DIP2A: variants seen among roughly 807,000 people sequenced by gnomAD.
DIP2A encodes disco-interacting protein 2 homolog A.
A neutral mutation model predicts 177.4 loss-of-function variants in DIP2A; 85 were observed. That is an observed-to-expected ratio of 0.48 (90% CI 0.40 to 0.57). The LOEUF (loss-of-function observed/expected upper bound fraction) is 0.57. DIP2A is among the 20% of genes least tolerant of loss of function. The pLI, the probability that DIP2A is intolerant of heterozygous loss-of-function variation, is 0.00. For synonymous variants in DIP2A, 886 were observed against 881.8 expected, an observed-to-expected ratio of 1.00 and a Z score of -0.08; for missense variants, 1,791 against 2,100.2, an observed-to-expected ratio of 0.85 and a Z score of 2.88.
intron 8 of DIP2A, among the ~76,000 whole-genome samples, chr21:46,521,499 A>ATT (rs56906030): frequency 2.0e-5 from 3 of 151,912 alleles, no homozygotes; most frequent in Non-Finnish European, 4.4e-5. Context: ...ATCTTTCATT[A>ATT]TTTTTTTAAT....
At position 46,537,277 on chromosome 21, in the gene DIP2A, G is replaced by A. The variant is rs1161795004; in HGVS notation, c.1696G>A (p.Gly566Ser). The change falls in exon 14 of 38, where the codon GGC (glycine) becomes AGC (serine). Residue 566 changes from glycine (G) to serine (S), a missense_variant. Coordinates refer to ENST00000417564, the MANE Select transcript of DIP2A (RefSeq NM_015151.4). The surrounding 1 kb of genome is among the most constrained non-coding windows in gnomAD (Gnocchi z 4.1). ...CAAAAGGGATGCTGGTCTGTGGCAT[G>A]GCGTGTTAACAGTGAGTGTTGTTTG... ...DFKRDAGLWHGVLTSVMNRMH... is the reference protein window; with the variant it reads ...DFKRDAGLWHSVLTSVMNRMH... 6.2e-7 allele frequency: 1 copy of A among 1,613,918 alleles called. No homozygotes were observed. The highest frequency in any genetic ancestry group is 1.3e-5 in the African/African-American group (1 of 74,922).
At chr21:46,470,485 AG>A (rs1555867692) in intron 1 of DIP2A, among the ~76,000 whole-genome samples, 2 of 149,322 alleles carry the variant, frequency 1.3e-5, no homozygotes, top group East Asian at 2.0e-4. Flanking sequence ...AAAAAAAAAA[AG>A]GGGGGGCCAG....
rs1180881454 is a variant in DIP2A, at chr21:46,477,570, T to TGTGTGTGTGTGTGTGTGTGTG, written c.92-7187_92-7186insGTGTGTGTGTGTGTGTGTGTG. Among the ~76,000 whole-genome samples, 83 of 127,930 alleles carry TGTGTGTGTGTGTGTGTGTGTG rather than the reference T, an allele frequency of 6.5e-4. 1 individual carries two copies. The highest frequency in any genetic ancestry group is 1.0e-3 in the South Asian group (4 of 3,924). 83.9% of individuals were successfully genotyped at this position (127,930 alleles called of 152,430 possible). On this transcript the variant is annotated intron_variant, in intron 1 of 37. Coordinates refer to ENST00000417564, the MANE Select transcript of DIP2A (RefSeq NM_015151.4). ...GTGTGTGTGTGTGTGTGTGTGTGTA[T>TGTGTGTGTGTGTGTGTGTGTG]TTCTTTTTTTTTTTTTTTCTTGAGT...
intron 8 of DIP2A, among the ~76,000 whole-genome samples, chr21:46,518,094 T>A (rs963297655): frequency 2.0e-5 from 3 of 152,252 alleles, no homozygotes; most frequent in African/African-American, 7.2e-5. Context: ...TTGCGGGTAG[T>A]TGTAATTCAT....
At chr21:46,545,768 C>T (rs2060006215) in intron 19 of DIP2A, 113 bp from the exon 20 acceptor site, 1 of 1,271,628 alleles carries the variant, frequency 7.9e-7, no homozygotes, top group South Asian at 1.3e-5. Context: ...CTCCTTTTTC[C>T]CCCTGGCCAG....
Position 46,534,830 on chromosome 21 carries a change from G to A in DIP2A, c.1642+143G>A, listed in dbSNP as rs141783173. 8.2e-5 allele frequency: 56 copies of A among 680,268 alleles called. No individual in the cohort carries two copies. In the African/African-American group the frequency reaches 8.6e-4, roughly 10 times the overall value. 42.1% of individuals were successfully genotyped at this position (680,268 alleles called of 1,614,324 possible). A position where few individuals can be genotyped will look rare whatever the true frequency, so the allele number is the denominator to read the frequency against. On this transcript the variant is annotated intron_variant, in intron 13 of 37. Transcript: ENST00000417564. Reference sequence around the variant, plus strand: ...CATTAATCCGGGTCATGCCAGGTAGGGAGATGCACTGTCTTTAGCATGCTT... The same window carrying A: ...CATTAATCCGGGTCATGCCAGGTAGAGAGATGCACTGTCTTTAGCATGCTT...
At chr21:46,503,239 CT>C (rs1172449931) in intron 5 of DIP2A, among the ~76,000 whole-genome samples, 4 of 149,950 alleles carry the variant, frequency 2.7e-5, no homozygotes, top group African/African-American at 9.8e-5. Flanking sequence ...AGGAGAATTG[CT>C]TGAACTCAGG....
At chr21:46,549,649 C>A (rs1052576379) in intron 21 of DIP2A, 122 bp from the exon 22 acceptor site, 17 of 1,508,614 alleles carry the variant, frequency 1.1e-5, no homozygotes, top group Non-Finnish European at 1.4e-5. Flanking sequence ...GCAGGTAGCC[C>A]CATTTGATAG....
chr21:46,467,638 CAT>C (rs1322172341), intron 1 of DIP2A, among the ~76,000 whole-genome samples: 2 of 152,122 alleles, frequency 1.3e-5, no homozygotes, highest in Non-Finnish European at 2.9e-5. Flanking sequence ...ATTTATAAAA[CAT>C]GTTTGAAAAT....
At chr21:46,485,810 C>A (rs946044689) in intron 2 of DIP2A, among the ~76,000 whole-genome samples, 1 of 151,994 alleles carries the variant, frequency 6.6e-6, no homozygotes, top group African/African-American at 2.4e-5. Flanking sequence ...CGGTGGCTCA[C>A]GCCTGTAATC....
Position 46,556,384 on chromosome 21 carries a change from C to G in DIP2A, c.3498+293C>G. The G allele has an allele frequency of 7.2e-7, 1 of 1,379,788 alleles. No homozygotes were observed. The highest frequency in any genetic ancestry group is 4.1e-5 in the East Asian group (1 of 24,604). 85.5% of individuals were successfully genotyped at this position (1,379,788 alleles called of 1,614,324 possible). On this transcript the variant is annotated intron_variant, in intron 29 of 37. Transcript: ENST00000417564. This position sits in a 1 kb window ranked among gnomAD's most constrained non-coding sequence, Gnocchi z 4.5. Reference sequence around the variant, plus strand: ...CTCTTACCTTGCTGGGAGTCAATAGCTCAATTAAAATTTTTCAGGCGGGGC... The same window carrying G: ...CTCTTACCTTGCTGGGAGTCAATAGGTCAATTAAAATTTTTCAGGCGGGGC...
At chr21:46,467,290 C>T (rs1359853325) in intron 1 of DIP2A, among the ~76,000 whole-genome samples, 7 of 101,614 alleles carry the variant, frequency 6.9e-5, no homozygotes, top group East Asian at 4.8e-4. Context: ...AGCGAGACTC[C>T]GTCTCAAAAA....
At chr21:46,510,786 A>G (rs1295872120) in intron 7 of DIP2A, among the ~76,000 whole-genome samples, 2 of 151,328 alleles carry the variant, frequency 1.3e-5, no homozygotes, top group African/African-American at 4.9e-5. Context: ...GTCCACCACC[A>G]CACCTGGCTA....
At position 46,534,059 on chromosome 21, in the gene DIP2A, A is replaced by G. The variant is rs1349556751; in HGVS notation, c.1485A>G (p.Pro495=). ...ATGGGAAGCATCTAGCCAAGCCCCC[A>G]AAGGACTGGCACCCTCTGGCCCAGG... ...VIDGKHLAKP[P]KDWHPLAQDT... Residue 495 remains proline (P), a synonymous_variant, in exon 12 of 38, where the codon CCA becomes CCG. Transcript: ENST00000417564. 6.2e-7 allele frequency: 1 copy of G among 1,613,838 alleles called. No individual in the cohort carries two copies. Among genetic ancestry groups the G allele is most frequent in the South Asian group, 1.1e-5 (1 of 91,064 alleles).
chr21:46,565,073 C>A (rs984755657), intron 35 of DIP2A, among the ~76,000 whole-genome samples: 1 of 152,226 alleles, frequency 6.6e-6, no homozygotes, highest in South Asian at 2.1e-4. Context: ...GGGTTCTGGA[C>A]GGACTCTCTC....
Position 46,563,741 on chromosome 21 carries a change from C to CATA in DIP2A, c.4090-115_4090-114insAAT. 6.8e-7 allele frequency: 1 copy of CATA among 1,466,746 alleles called. No individual in the cohort carries two copies. Among genetic ancestry groups the CATA allele is most frequent in the Non-Finnish European group, 9.1e-7 (1 of 1,103,686 alleles). 90.9% of individuals were successfully genotyped at this position (1,466,746 alleles called of 1,614,324 possible). On this transcript the variant is annotated intron_variant, in intron 34 of 37. Coordinates refer to ENST00000417564, the MANE Select transcript of DIP2A (RefSeq NM_015151.4). The surrounding 1 kb of genome is among the most constrained non-coding windows in gnomAD (Gnocchi z 4.3). ...GCGGCCTCTAAACTTCCTGACCTGA[C>CATA]ATGAGCACATCAGTCCTGCAGGCCA...
At chr21:46,503,664 TTTTTCTTTCTTTCTTTC>T (rs2057813440) in intron 5 of DIP2A, among the ~76,000 whole-genome samples, 1 of 54,180 alleles carries the variant, frequency 1.8e-5, no homozygotes, top group South Asian at 5.9e-4. Flanking sequence ...TCTTTCTTTC[TTTTTCTTTCTTTCTTTC>T]TTTTCTTTCT....
rs1424015107 is a variant in DIP2A at position 46,504,498 on chromosome 21, G to C, written c.784+9G>C. On this transcript the variant is annotated intron_variant, in intron 6 of 37. Coordinates refer to ENST00000417564, the MANE Select transcript of DIP2A (RefSeq NM_015151.4). ...GCTGGAAACAGCAGATGGTGAGCCT[G>C]CCTCTCTTTCTCCTCGTGAAATAGC... 1 of 1,598,014 alleles carries C rather than the reference G, an allele frequency of 6.3e-7. No individual in the cohort carries two copies. The highest frequency in any genetic ancestry group is 1.7e-5 in the Admixed American group (1 of 58,524).
intron 17 of DIP2A, 97 bp from the exon 18 acceptor site, chr21:46,541,659 G>A (rs1424030480): frequency 7.0e-7 from 1 of 1,421,556 alleles, no homozygotes; most frequent in East Asian, 2.3e-5. Context: ...ATGGAGCAGT[G>A]GCTTTGGTGC....
Sources: gnomAD v4.1 joint callset for allele counts (sites outside exome capture counted in the v4.1 genomes callset) on GRCh38, gnomAD v4.1.1 for gene constraint, Gnocchi (gnomAD v3.1) non-coding constraint, MANE v1.5 for transcripts, NCBI Gene and HGNC (gene_info 2026-07-23, HGNC 2026-07-21) for gene names.